Variants in ITGA8 observed in about 807,000 individuals in gnomAD.
The protein encoded by ITGA8 is integrin alpha-8.
A neutral mutation model predicts 142.3 loss-of-function variants in ITGA8; 91 were observed. That is an observed-to-expected ratio of 0.64 (90% confidence interval 0.54 to 0.76). ITGA8 has a LOEUF of 0.76. Ranked by LOEUF, ITGA8 falls within the 30% of genes least tolerant of loss-of-function variation. ITGA8 has a pLI of 0.00. For missense variants in ITGA8, 1,406 were observed against 1,327.7 expected (o/e 1.06, Z -0.92); for synonymous variants, 505 against 485.2 (o/e 1.04, Z -0.54).
At position 15,519,418 on chromosome 10, in the gene ITGA8, A is replaced by G; in HGVS notation, c.2983-6T>C. On this transcript the variant is annotated splice_polypyrimidine_tract_variant and splice_region_variant and intron_variant, in intron 28 of 29. Transcript: ENST00000378076. The stretch of plus-strand genomic sequence containing the variant: ...CAAATAACTGATGTCTTAATCTGAA[A>G]TGGAAAACAAAGCAAATGAGCTCTA... 1 of 1,613,494 alleles carries G rather than the reference A, an allele frequency of 6.2e-7. No individual in the cohort carries two copies. The highest frequency in any genetic ancestry group is 8.5e-7 in the Non-Finnish European group (1 of 1,179,726).
rs9333117 is a variant in ITGA8, at chr10:15,660,586, A to G, written c.891+293T>C. On this transcript the variant is annotated intron_variant, in intron 9 of 29. Transcript: ENST00000378076. ...ACATTCTGTAATAATCATACTTTGAATTTTGAGTTTTGATCTTTTCCCAGA... is the reference window on the plus strand; with the variant it reads ...ACATTCTGTAATAATCATACTTTGAGTTTTGAGTTTTGATCTTTTCCCAGA... Among the ~76,000 whole-genome samples the G allele has an allele frequency of 0.5, 75,655 of 152,030 alleles. 19,750 individuals carry two copies. Among genetic ancestry groups the G allele is most frequent in the South Asian group, 0.69 (3,347 of 4,826 alleles).
At chr10:15,542,478 G>A (rs911893753) in intron 27 of ITGA8, among the ~76,000 whole-genome samples, 1 of 152,026 alleles carries the variant, frequency 6.6e-6, no homozygotes, top group African/African-American at 2.4e-5. Flanking sequence ...TTTCTTTATT[G>A]GATTCTGAAA....
chr10:15,641,233 C>T (rs1833866805), intron 13 of ITGA8, among the ~76,000 whole-genome samples: 1 of 152,074 alleles, frequency 6.6e-6, no homozygotes, highest in African/African-American at 2.4e-5. Context: ...GGTCTTGAAT[C>T]TGAATAAATA....
intron 2 of ITGA8, among the ~76,000 whole-genome samples, chr10:15,714,988 T>A (rs1366563026): frequency 6.6e-6 from 1 of 152,198 alleles, no homozygotes; most frequent in East Asian, 1.9e-4. Flanking sequence ...CACTGATGTC[T>A]TGACAGATGA....
At chr10:15,521,336 T>C (rs1588622001) in intron 28 of ITGA8, among the ~76,000 whole-genome samples, 1 of 152,338 alleles carries the variant, frequency 6.6e-6, no homozygotes, top group Middle Eastern at 3.4e-3. Context: ...TTCTGTCTTC[T>C]TAACTAGAGT....
chr10:15,589,815 T>C (rs1239930732), intron 22 of ITGA8, among the ~76,000 whole-genome samples: 1 of 148,172 alleles, frequency 6.7e-6, no homozygotes, highest in African/African-American at 2.5e-5. Context: ...CTGACTGGAG[T>C]GCAGTGGCGC....
intron 8 of ITGA8, among the ~76,000 whole-genome samples, chr10:15,670,294 A>G (rs1272470311): frequency 6.6e-6 from 1 of 152,180 alleles, no homozygotes; most frequent in Admixed American, 6.5e-5. Context: ...ATTGCCTTGT[A>G]TCTAAGTATT....
intron 2 of ITGA8, among the ~76,000 whole-genome samples, chr10:15,706,366 C>T (rs564259801): frequency 9.9e-5 from 15 of 152,252 alleles, no homozygotes; most frequent in Middle Eastern, 3.4e-3. Context: ...GGAAAGGGAA[C>T]GGTCTTCTAC....
At chr10:15,676,780 G>A (rs867508026) in intron 6 of ITGA8, among the ~76,000 whole-genome samples, 4 of 152,104 alleles carry the variant, frequency 2.6e-5, no homozygotes, top group African/African-American at 7.2e-5. Context: ...AGGCTGAGGC[G>A]GGTGGATCAC....
chr10:15,680,031 G>A (rs978506522), intron 4 of ITGA8, among the ~76,000 whole-genome samples: 1 of 152,116 alleles, frequency 6.6e-6, no homozygotes, highest in Non-Finnish European at 1.5e-5. Flanking sequence ...TGAAATAAGA[G>A]AACAGGAAAG....
chr10:15,531,569 A>G (rs1385683623), intron 27 of ITGA8, among the ~76,000 whole-genome samples: 3 of 152,350 alleles, frequency 2.0e-5, no homozygotes, highest in Non-Finnish European at 4.4e-5. Flanking sequence ...AGGACAAAGG[A>G]GAAACATAAT....
At chr10:15,718,172 C>T (rs1383315709) in intron 2 of ITGA8, among the ~76,000 whole-genome samples, 1 of 152,144 alleles carries the variant, frequency 6.6e-6, no homozygotes, top group African/African-American at 2.4e-5. Flanking sequence ...ATGTATTTTC[C>T]CTTTAATTAA....
At chr10:15,677,681 A>G (rs753621458) in intron 5 of ITGA8, 44 bp from the exon 6 acceptor site, 1 of 1,566,620 alleles carries the variant, frequency 6.4e-7, no homozygotes, top group South Asian at 1.1e-5. Context: ...TGGAAAAGAA[A>G]TACTAAACAT....
intron 9 of ITGA8, among the ~76,000 whole-genome samples, chr10:15,659,533 T>C (rs1380156816): frequency 1.3e-5 from 2 of 152,256 alleles, no homozygotes; most frequent in Non-Finnish European, 2.9e-5. Context: ...AGATGAACTT[T>C]ATTTAAAATG....
At chr10:15,642,556 A>G (rs958759633) in intron 13 of ITGA8, among the ~76,000 whole-genome samples, 1 of 152,208 alleles carries the variant, frequency 6.6e-6, no homozygotes, top group African/African-American at 2.4e-5. Context: ...ATTATTTTAA[A>G]TTTGGATATA....
intron 13 of ITGA8, among the ~76,000 whole-genome samples, chr10:15,630,642 G>C (rs1833667844): frequency 6.6e-6 from 1 of 151,974 alleles, no homozygotes; most frequent in Non-Finnish European, 1.5e-5. Flanking sequence ...AGGGCACAGA[G>C]AGACTCTGAG....
intron 2 of ITGA8, among the ~76,000 whole-genome samples, chr10:15,713,217 C>T (rs1835392596): frequency 6.6e-6 from 1 of 152,186 alleles, no homozygotes; most frequent in Non-Finnish European, 1.5e-5. Flanking sequence ...TAGTAGCCAT[C>T]ATGAATTGCT....
chr10:15,687,955 G>A lies in ITGA8; in HGVS notation c.427C>T (p.His143Tyr). ...ATACTCACCACAACTTTTCCTTTGT[G>A]AGCTTTCACTGTTGCTCCAAACCAC... ...NQWFGATVKA[H>Y]KGKVVACAPL... The change falls in exon 3 of 30, where the codon CAC becomes TAC. Residue 143 changes from histidine (H) to tyrosine (Y), a missense_variant. His to Tyr is a moderately conservative substitution (Grantham distance 83). Coordinates refer to ENST00000378076, the MANE Select transcript of ITGA8 (RefSeq NM_003638.3). 1 of 1,611,470 alleles carries A rather than the reference G, an allele frequency of 6.2e-7. No individual in the cohort carries two copies. The highest frequency in any genetic ancestry group is 1.1e-5 in the South Asian group (1 of 91,010).
intron 2 of ITGA8, among the ~76,000 whole-genome samples, chr10:15,691,476 G>A (rs1834932431): frequency 2.0e-5 from 3 of 152,172 alleles, no homozygotes; most frequent in Admixed American, 1.3e-4. Flanking sequence ...AGAAAATGTG[G>A]TGTGTATATG....
Sources: allele counts gnomAD v4.1 joint callset (sites outside exome capture counted in the v4.1 genomes callset), GRCh38; gene constraint gnomAD v4.1.1; transcripts MANE v1.5; gene names NCBI Gene and HGNC (gene_info 2026-07-23, HGNC 2026-07-21).